PARD3B: variants seen among roughly 807,000 people sequenced by gnomAD.
The protein encoded by PARD3B is par-3 family cell polarity regulator beta, also known as partitioning defective 3 homolog B.
In PARD3B, 103 loss-of-function variants were observed where a neutral mutation model predicts 130.2. That is an observed-to-expected ratio of 0.79 (90% confidence interval 0.67 to 0.93). The LOEUF is 0.93. PARD3B is among the 40% of genes least tolerant of loss of function. The pLI is 0.00. For missense variants in PARD3B, 1,609 were observed against 1,499.2 expected, an observed-to-expected ratio of 1.07 and a Z score of -1.21; for synonymous variants, 583 against 553.2, an observed-to-expected ratio of 1.05 and a Z score of -0.76.
In PARD3B at chr2:205,280,289, T is replaced by C. The variant is rs535346734; in HGVS notation, c.2186-20241T>C. Among the ~76,000 whole-genome samples the C allele has an allele frequency of 2.7e-4, 41 of 152,304 alleles. No homozygotes were observed. In the Middle Eastern group the frequency reaches 0.01, roughly 38 times the overall value. ...GTCACCAAAGAAAAGTAGATGGTAT[T>C]TTTGTGCCTTGGATAATGTTAAGTG... On this transcript the variant is annotated intron_variant, in intron 16 of 22. Transcript: ENST00000406610. The surrounding 1 kb of genome is among the most constrained non-coding windows in gnomAD (Gnocchi z 4.7).
At chr2:204,766,812 A>T (rs2041171091) in intron 2 of PARD3B, among the ~76,000 whole-genome samples, 1 of 151,586 alleles carries the variant, frequency 6.6e-6, no homozygotes, top group Non-Finnish European at 1.5e-5. Context: ...TAAATCAAAA[A>T]AAAAAAACAA....
intron 18 of PARD3B, among the ~76,000 whole-genome samples, chr2:205,310,719 C>CTTTT (rs34032930): frequency 0.034 from 2,819 of 82,634 alleles, 228 homozygotes; most frequent in African/African-American, 0.12. Flanking sequence ...TTCTTTCTTT[C>CTTTT]TTTTTTTTTT....
chr2:205,559,986 T>TCA (rs2053070096), intron 22 of PARD3B, among the ~76,000 whole-genome samples: 1 of 152,198 alleles, frequency 6.6e-6, no homozygotes, highest in African/African-American at 2.4e-5. Flanking sequence ...CTGACAATGC[T>TCA]CACAGCAACC....
intron 16 of PARD3B, among the ~76,000 whole-genome samples, chr2:205,294,845 G>A (rs1239993018): frequency 6.6e-6 from 1 of 152,130 alleles, no homozygotes; most frequent in African/African-American, 2.4e-5. Flanking sequence ...ATTGCATTAT[G>A]CCCTATGGTA....
At chr2:204,961,697 C>T (rs887311843) in intron 2 of PARD3B, among the ~76,000 whole-genome samples, 3 of 152,062 alleles carry the variant, frequency 2.0e-5, no homozygotes, top group African/African-American at 7.2e-5. Context: ...CAAAAGAAAA[C>T]TTGATGGGGG....
At chr2:204,835,367 A>C (rs1300600951) in intron 2 of PARD3B, among the ~76,000 whole-genome samples, 1 of 152,178 alleles carries the variant, frequency 6.6e-6, no homozygotes, top group African/African-American at 2.4e-5. Context: ...TTGGGGAAGA[A>C]ATAGCATTTA....
chr2:205,233,174 G>A (rs544159777), intron 15 of PARD3B, among the ~76,000 whole-genome samples: 1 of 152,234 alleles, frequency 6.6e-6, no homozygotes, highest in African/African-American at 2.4e-5. Flanking sequence ...AGGAACAGCA[G>A]CAGATTTCTC....
chr2:205,546,453 TA>T (rs1166133483), intron 21 of PARD3B, among the ~76,000 whole-genome samples: 7 of 152,020 alleles, frequency 4.6e-5, no homozygotes, highest in Admixed American at 1.3e-4. Context: ...TAAAGGGATT[TA>T]AAAAAAATTA....
At chr2:205,472,149 T>C (rs2048857591) in intron 20 of PARD3B, among the ~76,000 whole-genome samples, 2 of 152,216 alleles carry the variant, frequency 1.3e-5, no homozygotes, top group African/African-American at 4.8e-5. Context: ...ATATTGTTAT[T>C]CTCTGAAGGT....
intron 3 of PARD3B, among the ~76,000 whole-genome samples, chr2:205,046,614 TG>T: frequency 6.6e-6 from 1 of 152,068 alleles, no homozygotes; most frequent in African/African-American, 2.4e-5. Context: ...ACCTACAAAG[TG>T]GATGAAAAAT....
chr2:204,693,675 TA>T (rs1421334425), intron 2 of PARD3B, among the ~76,000 whole-genome samples: 7 of 152,054 alleles, frequency 4.6e-5, no homozygotes, highest in Admixed American at 4.6e-4. Flanking sequence ...TGTAGCCATT[TA>T]GAGGCCTCAC....
chr2:204,687,069 A>T (rs2037120107), intron 2 of PARD3B, among the ~76,000 whole-genome samples: 1 of 152,126 alleles, frequency 6.6e-6, no homozygotes, highest in Non-Finnish European at 1.5e-5. Context: ...TACAAGGCTA[A>T]TTTATATTTG....
intron 3 of PARD3B, among the ~76,000 whole-genome samples, chr2:205,036,662 CTGTA>C (rs1244922100): frequency 2.0e-3 from 292 of 143,110 alleles, no homozygotes; most frequent in African/African-American, 5.8e-3. Flanking sequence ...ACACAGCGGA[CTGTA>C]TGTACAAAAA....
At chr2:205,152,414 G>T (rs550721233) in intron 10 of PARD3B, among the ~76,000 whole-genome samples, 3 of 152,090 alleles carry the variant, frequency 2.0e-5, no homozygotes, top group Non-Finnish European at 4.4e-5. Flanking sequence ...CACAGAGTTG[G>T]TCTTTTCACA....
chr2:204,673,878 A>G lies in PARD3B; in HGVS notation c.121-12303A>G, dbSNP rs540167474. Among the ~76,000 whole-genome samples, 1 of 152,162 alleles carries G rather than the reference A, an allele frequency of 6.6e-6. No homozygotes were observed. The highest frequency in any genetic ancestry group is 2.1e-4 in the South Asian group (1 of 4,826). ...CTTAGATGTTGCAAGAACTCAACAC[A>G]TGTTGCAGAAAGGACTGCCATTGAC... On this transcript the variant is annotated intron_variant, in intron 1 of 22. Coordinates refer to ENST00000406610, the MANE Select transcript of PARD3B (RefSeq NM_001302769.2). The surrounding 1 kb of genome is among the most constrained non-coding windows in gnomAD (Gnocchi z 4.7).
chr2:205,354,857 T>C (rs1242529460), intron 18 of PARD3B, among the ~76,000 whole-genome samples: 2 of 152,162 alleles, frequency 1.3e-5, no homozygotes, highest in Non-Finnish European at 2.9e-5. Context: ...TGTTATAGGA[T>C]GTTAATCTCC....
intron 10 of PARD3B, among the ~76,000 whole-genome samples, chr2:205,148,068 G>T (rs2125688671): frequency 6.6e-6 from 1 of 151,844 alleles, no homozygotes; most frequent in African/African-American, 2.4e-5. Context: ...ATATAATATT[G>T]TCTGTATTCT....
intron 2 of PARD3B, among the ~76,000 whole-genome samples, chr2:204,813,997 A>G (rs2043056441): frequency 6.6e-6 from 1 of 152,178 alleles, no homozygotes. Flanking sequence ...TTTCTGCAGC[A>G]GTGCCTGCTG....
In PARD3B at chr2:205,309,804, G is replaced by T. The variant is rs1482805849; in HGVS notation, c.2630+8103G>T. 6.6e-6 allele frequency among the ~76,000 whole-genome samples: 1 copy of T among 152,120 alleles called. No homozygotes were observed. Among genetic ancestry groups the T allele is most frequent in the Non-Finnish European group, 1.5e-5 (1 of 68,042 alleles). On this transcript the variant is annotated intron_variant, in intron 18 of 22. Transcript: ENST00000406610. The surrounding 1 kb of genome is among the most constrained non-coding windows in gnomAD (Gnocchi z 4.7). Reference sequence around the variant, plus strand: ...CAAACTAAGTATAATAACACATCCTGTCCAGGTTGTTGTAAAATTTAAGTT... The same window carrying T: ...CAAACTAAGTATAATAACACATCCTTTCCAGGTTGTTGTAAAATTTAAGTT...
Sources: gnomAD v4.1 joint callset for allele counts (sites outside exome capture counted in the v4.1 genomes callset) on GRCh38, gnomAD v4.1.1 for gene constraint, Gnocchi (gnomAD v3.1) non-coding constraint, MANE v1.5 for transcripts, NCBI Gene and HGNC (gene_info 2026-07-23, HGNC 2026-07-21) for gene names.